EXOSC7: variants seen among roughly 807,000 people sequenced by gnomAD.
EXOSC7 encodes the protein exosome component 7.
Under a neutral mutation model 34.3 loss-of-function variants are expected in EXOSC7, and 25 were observed. That is an observed-to-expected ratio of 0.73 (90% confidence interval 0.53 to 1.02). The LOEUF (loss-of-function observed/expected upper bound fraction) is 1.02, where lower values mean the gene tolerates loss of function less well. Ranked by LOEUF, EXOSC7 falls within the 50% of genes least tolerant of loss-of-function variation. The probability of loss-of-function intolerance (pLI) is 0.00; values close to 1 mark genes in which losing one functional copy is unlikely to be tolerated. For missense variants in EXOSC7, 370 were observed against 368.5 expected, an observed-to-expected ratio of 1.00 and a Z score of -0.03; for synonymous variants, 130 against 143.0, an observed-to-expected ratio of 0.91 and a Z score of 0.65.
rs372979694 is a variant in EXOSC7 at position 45,007,585 on chromosome 3, T to C, written c.771+10T>C. On this transcript the variant is annotated intron_variant, in intron 7 of 7. Coordinates refer to ENST00000265564, the MANE Select transcript of EXOSC7 (RefSeq NM_015004.4). ...CTTCGAGATGATGGAGGTGAGGCCTTAGTTCTGAGGAAGGTGCAGGGACCT... is the reference window on the plus strand; with the variant it reads ...CTTCGAGATGATGGAGGTGAGGCCTCAGTTCTGAGGAAGGTGCAGGGACCT... The C allele has an allele frequency of 4.4e-6, 7 of 1,596,680 alleles. No homozygotes were observed. The Admixed American group carries it at 6.8e-5, about 15-fold the overall frequency.
chr3:45,006,472 A>G (rs1466553302), intron 6 of EXOSC7, among the ~76,000 whole-genome samples: 1 of 125,796 alleles, frequency 7.9e-6, no homozygotes, highest in Non-Finnish European at 1.6e-5. Context: ...TGCGGACTGC[A>G]GTGGTGCAAT....
rs757554464 is a variant in EXOSC7 at position 44,985,691 on chromosome 3, C to T, written c.58-3449C>T. Among the ~76,000 whole-genome samples the T allele has an allele frequency of 2.0e-5, 3 of 152,074 alleles. No individual in the cohort carries two copies. The South Asian group carries it at 6.2e-4, about 31-fold the overall frequency. ...CAGTAGCAAGATTTATTGCAAAGAG[C>T]GAAAGAACAAAGCTTCCACAGTGTG... is the stretch of plus-strand genomic sequence containing the variant. On this transcript the variant is annotated intron_variant, in intron 1 of 7. Transcript: ENST00000265564.
intron 5 of EXOSC7, chr3:45,004,582 A>G (rs1443589493): frequency 7.6e-6 from 1 of 131,846 alleles, no homozygotes. Context: ...TTTTTTTTTA[A>G]TAGTTATTTT....
At chr3:44,980,470 G>C (rs550011090) in intron 1 of EXOSC7, among the ~76,000 whole-genome samples, 1 of 150,992 alleles carries the variant, frequency 6.6e-6, no homozygotes, top group East Asian at 1.9e-4. Flanking sequence ...ACTGAGCTCG[G>C]GCAGGTTGAG....
chr3:45,009,508 A>G (rs1252949066), intron 7 of EXOSC7, among the ~76,000 whole-genome samples: 1 of 142,542 alleles, frequency 7.0e-6, no homozygotes, highest in East Asian at 1.9e-4. Context: ...ACAGATTCAG[A>G]CTTTTTTTTC....
At chr3:45,011,566 C>CG, downstream of EXOSC7, 1 of 352,816 alleles carries the variant, frequency 2.8e-6, no homozygotes, top group Non-Finnish European at 5.1e-6. Context: ...GCAGACAAAT[C>CG]CAGAGCTCTG....
intron 1 of EXOSC7, among the ~76,000 whole-genome samples, chr3:44,982,757 C>T (rs1180637005): frequency 6.6e-6 from 1 of 152,224 alleles, no homozygotes; most frequent in Non-Finnish European, 1.5e-5. Context: ...TCTGCCCTTT[C>T]TGTTTACAGA....
intron 3 of EXOSC7, 43 bp from the exon 4 acceptor site, chr3:44,997,040 TGCAC>T: frequency 6.3e-7 from 1 of 1,591,036 alleles, no homozygotes; most frequent in Admixed American, 1.7e-5. Flanking sequence ...CTTTGCTTTT[TGCAC>T]TTGGAAAGAC....
In EXOSC7 at chr3:45,005,123, G is replaced by A. The variant is rs138489196; in HGVS notation, c.492-168G>A. The stretch of plus-strand genomic sequence containing the variant: ...ATGCCTTTCCTCATTGCACTGCGGC[G>A]CCTCCTGTGTGCTTTTGACAGGGAT... On this transcript the variant is annotated intron_variant, in intron 5 of 7. Transcript: ENST00000265564. 1,450 of 672,108 alleles carry A rather than the reference G, an allele frequency of 2.2e-3. 46 individuals carry two copies. The East Asian group carries it at 0.039, about 18-fold the overall frequency. The allele number at this position is 672,108 out of a possible 1,614,324, so 41.6% of individuals were successfully genotyped here.
chr3:44,984,466 CAA>C (rs34120284), intron 1 of EXOSC7, among the ~76,000 whole-genome samples: 59 of 115,696 alleles, frequency 5.1e-4, no homozygotes, highest in Admixed American at 8.0e-4. Context: ...GATCCTGTCT[CAA>C]AAAAAAAAAA....
intron 3 of EXOSC7, among the ~76,000 whole-genome samples, chr3:44,994,385 A>G (rs1348917978): frequency 2.0e-5 from 3 of 150,014 alleles, no homozygotes; most frequent in African/African-American, 7.4e-5. Flanking sequence ...TTTTTTTTTA[A>G]GGTGGACCTT....
At chr3:44,992,956 T>TC (rs1706612263) in intron 3 of EXOSC7, among the ~76,000 whole-genome samples, 1 of 152,222 alleles carries the variant, frequency 6.6e-6, no homozygotes, top group South Asian at 2.1e-4. Flanking sequence ...TAACTATTTT[T>TC]CAATGTGAAC....
chr3:44,999,871 A>C (rs1489234283), intron 4 of EXOSC7, among the ~76,000 whole-genome samples: 1 of 152,222 alleles, frequency 6.6e-6, no homozygotes, highest in Non-Finnish European at 1.5e-5. Flanking sequence ...AAATCTGTGA[A>C]GCAATCCTTG....
chr3:45,005,471 C>G lies in EXOSC7; in HGVS notation c.615+57C>G. On this transcript the variant is annotated intron_variant, in intron 6 of 7. Coordinates refer to ENST00000265564, the MANE Select transcript of EXOSC7 (RefSeq NM_015004.4). ...CCTGTGGGTGTGGGTCTCCTCTAAT[C>G]CCAACCTGCTGAGGTTACTTAATAA... is the stretch of plus-strand genomic sequence containing the variant. 2.6e-6 allele frequency: 4 copies of G among 1,563,272 alleles called. No individual in the cohort carries two copies. The South Asian group carries it at 4.6e-5, about 18-fold the overall frequency.
intron 7 of EXOSC7, 94 bp downstream of exon 7, chr3:45,007,669 C>G: frequency 1.5e-6 from 2 of 1,326,478 alleles, no homozygotes; most frequent in South Asian, 3.0e-5. Context: ...TCTCCCCATT[C>G]ACAGCCTTGA....
chr3:44,984,466 C>CAA (rs34120284), intron 1 of EXOSC7, among the ~76,000 whole-genome samples: 1 of 115,912 alleles, frequency 8.6e-6, no homozygotes, highest in Non-Finnish European at 1.9e-5. Context: ...GATCCTGTCT[C>CAA]AAAAAAAAAA....
intron 1 of EXOSC7, 89 bp from the exon 2 acceptor site, chr3:44,989,051 A>G (rs903207538): frequency 1.2e-6 from 1 of 829,190 alleles, no homozygotes; most frequent in Non-Finnish European, 2.0e-6. Flanking sequence ...TATTCTGCAT[A>G]TATCTTCTCT....
chr3:45,000,396 A>G (rs1706841636), intron 4 of EXOSC7, among the ~76,000 whole-genome samples: 1 of 152,266 alleles, frequency 6.6e-6, no homozygotes, highest in East Asian at 1.9e-4. Context: ...AAACAAAAAC[A>G]GAACTACATG....
chr3:44,983,335 G>A (rs574673909), intron 1 of EXOSC7, among the ~76,000 whole-genome samples: 1 of 152,112 alleles, frequency 6.6e-6, no homozygotes, highest in Admixed American at 6.5e-5. Context: ...GCTTTGGGGG[G>A]ACTCCTATGT....
Sources: gnomAD v4.1 joint callset for allele counts (sites outside exome capture counted in the v4.1 genomes callset) on GRCh38, gnomAD v4.1.1 for gene constraint, MANE v1.5 for transcripts, NCBI Gene and HGNC (gene_info 2026-07-23, HGNC 2026-07-21) for gene names.